Variants in ARK2C observed in about 807,000 individuals in gnomAD.
ARK2C encodes E3 ubiquitin-protein ligase ARK2C.
At chr18:46,334,412 G>C in the ARK2C span, 1 of 1,341,594 alleles carries the variant, frequency 7.5e-7, no homozygotes, top group Non-Finnish European at 1.0e-6. This position sits in a 1 kb window ranked among gnomAD's most constrained non-coding sequence, Gnocchi z 4.4. Context: ...GGCGCCGCGG[G>C]CGGCCGGGGG....
the ARK2C span, chr18:46,433,138 G>A: frequency 2.7e-5 from 39 of 1,419,668 alleles, no homozygotes; most frequent in Non-Finnish European, 3.4e-5. Context: ...GGGTCAGTGT[G>A]GCGGCCGCTC....
chr18:46,419,941 CG>C, the ARK2C span, among the ~76,000 whole-genome samples: 2 of 152,224 alleles, frequency 1.3e-5, no homozygotes, highest in African/African-American at 4.8e-5. Flanking sequence ...TGACGTCCAC[CG>C]TCTCTTTTTC....
the ARK2C span, among the ~76,000 whole-genome samples, chr18:46,452,571 T>C: frequency 7.2e-5 from 11 of 152,206 alleles, no homozygotes; most frequent in Middle Eastern, 3.2e-3. Context: ...TGAGCCACCA[T>C]GCCTGGCCTG....
the ARK2C span, among the ~76,000 whole-genome samples, chr18:46,360,772 C>T: frequency 2.6e-5 from 4 of 152,190 alleles, no homozygotes; most frequent in Admixed American, 1.3e-4. Context: ...GCACACGAGG[C>T]GGGTATGTGG....
At chr18:46,437,040 GCC>G in the ARK2C span, among the ~76,000 whole-genome samples, 34 of 151,508 alleles carry the variant, frequency 2.2e-4, no homozygotes, top group Non-Finnish European at 4.6e-4. Flanking sequence ...TCTTTATAGA[GCC>G]AAACCTCCTT....
chr18:46,361,154 TGA>T, the ARK2C span, among the ~76,000 whole-genome samples: 2 of 152,168 alleles, frequency 1.3e-5, no homozygotes, highest in Non-Finnish European at 2.9e-5. Flanking sequence ...GACACCATAC[TGA>T]GTCTTTTCTA....
the ARK2C span, among the ~76,000 whole-genome samples, chr18:46,351,816 G>A: frequency 3.9e-5 from 6 of 152,148 alleles, no homozygotes; most frequent in African/African-American, 1.2e-4. Flanking sequence ...GTGGCGGCAG[G>A]GCCTGGCTAC....
chr18:46,350,530 C>T, the ARK2C span, among the ~76,000 whole-genome samples: 1 of 152,096 alleles, frequency 6.6e-6, no homozygotes, highest in Non-Finnish European at 1.5e-5. Context: ...TCAGGAGCGC[C>T]CCCAACCCCA....
chr18:46,392,709 T>A, the ARK2C span, among the ~76,000 whole-genome samples: 1 of 152,112 alleles, frequency 6.6e-6, no homozygotes, highest in Middle Eastern at 3.2e-3. Context: ...TGTCAGTCTC[T>A]CCCCTCTGGG....
the ARK2C span, chr18:46,334,342 CT>C: frequency 3.8e-6 from 6 of 1,582,864 alleles, no homozygotes; most frequent in East Asian, 2.4e-5. This position sits in a 1 kb window ranked among gnomAD's most constrained non-coding sequence, Gnocchi z 4.4. Flanking sequence ...AGAGGTATCG[CT>C]TTTTCCTTTC....
At chr18:46,435,336 G>T in the ARK2C span, 2 of 1,614,182 alleles carry the variant, frequency 1.2e-6, no homozygotes, top group South Asian at 1.1e-5. Flanking sequence ...CTCCATCCCA[G>T]CTTCGACTTC....
the ARK2C span, among the ~76,000 whole-genome samples, chr18:46,343,641 A>G: frequency 6.6e-6 from 1 of 152,238 alleles, no homozygotes; most frequent in Non-Finnish European, 1.5e-5. Flanking sequence ...CCTATCTGCC[A>G]AGGGAGAGAA....
chr18:46,420,789 G>A, the ARK2C span, among the ~76,000 whole-genome samples: 3 of 151,846 alleles, frequency 2.0e-5, no homozygotes, highest in Non-Finnish European at 4.4e-5. Flanking sequence ...AGGTTGCAGT[G>A]AGCCTAGATC....
chr18:46,370,842 G>A, the ARK2C span, among the ~76,000 whole-genome samples: 1 of 152,182 alleles, frequency 6.6e-6, no homozygotes, highest in Non-Finnish European at 1.5e-5. Flanking sequence ...GGAACTCAGG[G>A]GGCGTGAGGT....
the ARK2C span, among the ~76,000 whole-genome samples, chr18:46,369,389 C>A: frequency 6.6e-6 from 1 of 150,640 alleles, no homozygotes; most frequent in African/African-American, 2.5e-5. Flanking sequence ...GCTGGGGTGG[C>A]AGGGGGGTGG....
At chr18:46,360,335 C>A in the ARK2C span, among the ~76,000 whole-genome samples, 1,024 of 152,330 alleles carry the variant, frequency 6.7e-3, 4 homozygotes, top group Non-Finnish European at 0.011. Flanking sequence ...ACAGAGGGTG[C>A]TCCCCTGCAA....
At chr18:46,336,288 C>A in the ARK2C span, 2 of 985,338 alleles carry the variant, frequency 2.0e-6, no homozygotes, top group Non-Finnish European at 2.4e-6. Flanking sequence ...TCTCTAAATA[C>A]CATTGCAGGA....
At chr18:46,415,754 G>A in the ARK2C span, among the ~76,000 whole-genome samples, 2 of 152,078 alleles carry the variant, frequency 1.3e-5, no homozygotes, top group Admixed American at 6.5e-5. Flanking sequence ...TGGGAATAAT[G>A]GGAATAATGC....
At chr18:46,376,904 G>A in the ARK2C span, among the ~76,000 whole-genome samples, 3 of 152,134 alleles carry the variant, frequency 2.0e-5, no homozygotes, top group African/African-American at 7.2e-5. Flanking sequence ...TTCTGATCTC[G>A]CGATCTGCCC....
Sources: allele counts gnomAD v4.1 joint callset (sites outside exome capture counted in the v4.1 genomes callset), GRCh38; gene constraint gnomAD v4.1.1; non-coding constraint Gnocchi (gnomAD v3.1); transcripts MANE v1.5; gene names NCBI Gene and HGNC (gene_info 2026-07-23, HGNC 2026-07-21).